Variants in TXNL1 observed in about 807,000 individuals in gnomAD.
TXNL1 encodes thioredoxin like 1, also known as thioredoxin-like protein 1.
In TXNL1, 14 loss-of-function variants were observed where a neutral mutation model predicts 35.5. The observed-to-expected ratio is 0.39, with a 90% CI of 0.26 to 0.62. The LOEUF (loss-of-function observed/expected upper bound fraction) is 0.62. Among genes scored for constraint, TXNL1 ranks in the 20% least tolerant of loss-of-function variants. The pLI, the probability that TXNL1 is intolerant of heterozygous loss-of-function variation, is 0.47. For missense variants in TXNL1, 263 were observed against 349.7 expected, an observed-to-expected ratio of 0.75 and a Z score of 1.98; for synonymous variants, 110 against 115.5, an observed-to-expected ratio of 0.95 and a Z score of 0.31.
chr18:56,618,331 C>T (rs2024124169), intron 3 of TXNL1, among the ~76,000 whole-genome samples: 1 of 152,156 alleles, frequency 6.6e-6, no homozygotes, highest in Non-Finnish European at 1.5e-5. Flanking sequence ...GCTTAGCCTA[C>T]TTGATAAGGT....
chr18:56,616,353 C>T (rs756301772), intron 4 of TXNL1, 39 bp from the exon 5 acceptor site: 6 of 1,562,508 alleles, frequency 3.8e-6, no homozygotes, highest in South Asian at 1.1e-5. Context: ...GGCTCTTGTA[C>T]ACACCTTGAG....
At chr18:56,605,075 A>G (rs1361893419) in intron 7 of TXNL1, 1 of 152,078 alleles carries the variant, frequency 6.6e-6, no homozygotes, top group Non-Finnish European at 1.5e-5. Flanking sequence ...ATGGTAAAAA[A>G]TTAAAGCACC....
rs1314770964 is a variant in TXNL1 at position 56,614,687 on chromosome 18, C to T, written c.563-91G>A. The T allele has an allele frequency of 3.8e-6, 4 of 1,045,862 alleles. No homozygotes were observed. In the Admixed American group the frequency reaches 8.6e-5, roughly 22 times the overall value. 64.8% of individuals were successfully genotyped at this position (1,045,862 alleles called of 1,614,324 possible). On this transcript the variant is annotated intron_variant, in intron 5 of 7. Transcript: ENST00000217515. The stretch of plus-strand genomic sequence containing the variant: ...TACACTCACACTATACACAGACACA[C>T]ACAAATCAATACACATATACTTCAA...
Position 56,638,363 on chromosome 18 carries a change from C to T in TXNL1, c.78G>A (p.Val26=). 2 of 1,613,426 alleles carry T rather than the reference C, an allele frequency of 1.2e-6. No individual in the cohort carries two copies. Among genetic ancestry groups the T allele is most frequent in the Non-Finnish European group, 1.7e-6 (2 of 1,179,644 alleles). ...CTCACCCTCTCATGGTGAACTTGAC[C>T]ACGGCGAGTCTGGAGCCCGCGCCGC... ...ELSGAGSRLA[V]VKFTMRGCGP... The change falls in exon 1 of 8, where the codon GTG becomes GTA. Residue 26 remains valine (V), a synonymous_variant. Coordinates refer to ENST00000217515, the MANE Select transcript of TXNL1 (RefSeq NM_004786.3).
chr18:56,618,142 A>G lies in TXNL1; in HGVS notation c.370-16T>C. On this transcript the variant is annotated splice_polypyrimidine_tract_variant and intron_variant, in intron 3 of 7. Transcript: ENST00000217515. Reference sequence around the variant, plus strand: ...TTAAATCCATCTGAAAAAAAATTGCAAGATTTTAGGCAACATATTTGGATT... The same window carrying G: ...TTAAATCCATCTGAAAAAAAATTGCGAGATTTTAGGCAACATATTTGGATT... 1 of 1,611,280 alleles carries G rather than the reference A, an allele frequency of 6.2e-7. No individual in the cohort carries two copies. Among genetic ancestry groups the G allele is most frequent in the Non-Finnish European group, 8.5e-7 (1 of 1,178,370 alleles).
In TXNL1 at chr18:56,603,067, A is replaced by T; in HGVS notation, c.841-11T>A. 1 of 1,610,772 alleles carries T rather than the reference A, an allele frequency of 6.2e-7. No individual in the cohort carries two copies. Among genetic ancestry groups the T allele is most frequent in the Non-Finnish European group, 8.5e-7 (1 of 1,177,242 alleles). On this transcript the variant is annotated splice_polypyrimidine_tract_variant and intron_variant, in intron 7 of 7. Transcript: ENST00000217515. ...TTTTTTGCCAACTACCTAGAAAAACAAAAATAAGTTTATATGTACATCCTA... is the reference window on the plus strand; with the variant it reads ...TTTTTTGCCAACTACCTAGAAAAACTAAAATAAGTTTATATGTACATCCTA...
In TXNL1 at chr18:56,600,619, CTAAT is replaced by C. The variant is rs1337665234; in HGVS notation, c.*2404_*2407del. 1 of 147,516 alleles carries C rather than the reference CTAAT, an allele frequency of 6.8e-6. No homozygotes were observed. The highest frequency in any genetic ancestry group is 2.5e-5 in the African/African-American group (1 of 39,398). 9.1% of individuals were successfully genotyped at this position (147,516 alleles called of 1,614,324 possible). A position where few individuals can be genotyped will look rare whatever the true frequency, so the allele number is the denominator to read the frequency against. ...GAACAACGTGGGGCAGGTTTCAACT[CTAAT>C]TGTTACGTGGCTGCCTCCAACAGTA... On this transcript the variant is annotated 3_prime_UTR_variant, in exon 8 of 8. Transcript: ENST00000217515.
intron 1 of TXNL1, among the ~76,000 whole-genome samples, chr18:56,637,420 CTAAA>C (rs1279660239): frequency 6.6e-6 from 1 of 152,188 alleles, no homozygotes; most frequent in African/African-American, 2.4e-5. Context: ...ATACTTCTAA[CTAAA>C]TACTATCGAC....
chr18:56,612,086 C>CG (rs2024006152), intron 6 of TXNL1, among the ~76,000 whole-genome samples: 1 of 145,506 alleles, frequency 6.9e-6, no homozygotes, highest in African/African-American at 2.6e-5. Flanking sequence ...AGGGTGGTCT[C>CG]GAACTTCTGA....
intron 3 of TXNL1, among the ~76,000 whole-genome samples, chr18:56,622,249 G>A (rs2024200824): frequency 6.6e-6 from 1 of 151,794 alleles, no homozygotes; most frequent in Admixed American, 6.6e-5. Context: ...GGAAAACCAT[G>A]ACAGAAAAAA....
chr18:56,617,860 G>T, intron 4 of TXNL1, 144 bp downstream of exon 4: 1 of 1,153,250 alleles, frequency 8.7e-7, no homozygotes, highest in Non-Finnish European at 1.2e-6. Context: ...AAAAACAAAA[G>T]TCAAAGAAAC....
chr18:56,638,352 G>C lies in TXNL1; in HGVS notation c.89C>G (p.Thr30Ser). Reference protein sequence around the residue: ...AGSRLAVVKFTMRGCGPCLRI... With the variant: ...AGSRLAVVKFSMRGCGPCLRI... ...TCGAGCCTGGCCTCACCCTCTCATG[G>C]TGAACTTGACCACGGCGAGTCTGGA... The change falls in exon 1 of 8, where the codon ACC becomes AGC. Residue 30 changes from threonine to serine, a missense_variant. Coordinates refer to ENST00000217515, the MANE Select transcript of TXNL1 (RefSeq NM_004786.3). The C allele has an allele frequency of 6.2e-7, 1 of 1,613,218 alleles. No individual in the cohort carries two copies. The highest frequency in any genetic ancestry group is 8.5e-7 in the Non-Finnish European group (1 of 1,179,500).
At position 56,600,067 on chromosome 18, in the gene TXNL1, T is replaced by G. The variant is rs758651075; in HGVS notation, c.*2960A>C. ...TAATTTATTCAACTCCAACACTTTA[T>G]TCTTATTACAGAATCAAAGCTTTTA... On this transcript the variant is annotated 3_prime_UTR_variant, in exon 8 of 8. Transcript: ENST00000217515. The G allele has an allele frequency of 1.3e-5, 2 of 152,224 alleles. No homozygotes were observed. The highest frequency in any genetic ancestry group is 2.9e-5 in the Non-Finnish European group (2 of 68,042). 9.4% of individuals were successfully genotyped at this position (152,224 alleles called of 1,614,324 possible).
chr18:56,634,154 G>A (rs555773859), intron 1 of TXNL1, among the ~76,000 whole-genome samples: 1 of 152,060 alleles, frequency 6.6e-6, no homozygotes, highest in African/African-American at 2.4e-5. Flanking sequence ...ACAATTTGGA[G>A]ACACTGTTTA....
intron 5 of TXNL1, among the ~76,000 whole-genome samples, chr18:56,614,820 G>A (rs2024057634): frequency 6.6e-6 from 1 of 152,040 alleles, no homozygotes. Flanking sequence ...TAACACTGTG[G>A]TAAATATTAG....
intron 1 of TXNL1, among the ~76,000 whole-genome samples, chr18:56,636,813 C>T (rs1013982701): frequency 6.6e-6 from 1 of 152,092 alleles, no homozygotes. Context: ...AAAGCTTCGA[C>T]GGGCCAGAAT....
intron 7 of TXNL1, chr18:56,609,753 T>C (rs559553997): frequency 1.3e-5 from 2 of 152,334 alleles, no homozygotes; most frequent in Admixed American, 1.3e-4. Context: ...ATATTTCATA[T>C]CGTAAAAATG....
chr18:56,637,062 T>C (rs756260475), intron 1 of TXNL1, among the ~76,000 whole-genome samples: 68 of 152,322 alleles, frequency 4.5e-4, no homozygotes, highest in Non-Finnish European at 7.5e-4. Flanking sequence ...ATTCCGTATA[T>C]CATATGGGTA....
chr18:56,600,334 G>A lies in TXNL1; in HGVS notation c.*2693C>T, dbSNP rs1014030519. On this transcript the variant is annotated 3_prime_UTR_variant, in exon 8 of 8. Coordinates refer to ENST00000217515, the MANE Select transcript of TXNL1 (RefSeq NM_004786.3). ...TATTGAGACTGGGGAACAATGTGGGGCAGGTTTCAACTCTAATTGTTACGT... is the reference window on the plus strand; with the variant it reads ...TATTGAGACTGGGGAACAATGTGGGACAGGTTTCAACTCTAATTGTTACGT... The A allele has an allele frequency of 5.3e-5, 8 of 150,498 alleles. No homozygotes were observed. The highest frequency in any genetic ancestry group is 2.0e-4 in the African/African-American group (8 of 40,964). The allele number at this position is 150,498 out of a possible 1,614,324, so 9.3% of individuals were successfully genotyped here. A position where few individuals can be genotyped will look rare whatever the true frequency, so the allele number is the denominator to read the frequency against.
Sources: gnomAD v4.1 joint callset for allele counts (sites outside exome capture counted in the v4.1 genomes callset) on GRCh38, gnomAD v4.1.1 for gene constraint, MANE v1.5 for transcripts, NCBI Gene and HGNC (gene_info 2026-07-23, HGNC 2026-07-21) for gene names.